The following ATP9A variants were observed in gnomAD, a reference collection of about 807,000 sequenced individuals.
ATP9A encodes the protein probable phospholipid-transporting ATPase IIA.
A neutral mutation model predicts 144.1 loss-of-function variants in ATP9A; 52 were observed. The ratio of observed to expected loss-of-function variants is 0.36; its 90% CI spans 0.29 to 0.45. ATP9A has a LOEUF of 0.45. Among genes scored for constraint, ATP9A ranks in the 20% least tolerant of loss-of-function variants. The pLI, the probability that ATP9A is intolerant of heterozygous loss-of-function variation, is 1.00. For missense variants in ATP9A, 947 were observed against 1,392.7 expected (o/e 0.68, Z 5.09); for synonymous variants, 582 against 557.4 (o/e 1.04, Z -0.62).
intron 3 of ATP9A, among the ~76,000 whole-genome samples, chr20:51,723,762 G>A (rs886890576): frequency 4.6e-5 from 7 of 151,724 alleles, no homozygotes; most frequent in South Asian, 4.2e-4. Flanking sequence ...TCACCATGTT[G>A]GCCAGGATGG....
chr20:51,679,152 C>T (rs981130258), intron 9 of ATP9A, among the ~76,000 whole-genome samples: 1 of 152,026 alleles, frequency 6.6e-6, no homozygotes, highest in African/African-American at 2.4e-5. Context: ...GGCGAAACCC[C>T]ATCTCTACTA....
chr20:51,754,925 C>G (rs1221835107), intron 1 of ATP9A, among the ~76,000 whole-genome samples: 1 of 151,352 alleles, frequency 6.6e-6, no homozygotes, highest in Admixed American at 6.6e-5. Flanking sequence ...GCCTGTCCAA[C>G]ATGGTGAAAC....
intron 1 of ATP9A, among the ~76,000 whole-genome samples, chr20:51,753,102 C>CAAAA (rs200895118): frequency 8.0e-6 from 1 of 125,472 alleles, no homozygotes; most frequent in African/African-American, 3.0e-5. Flanking sequence ...GACTCTGTCT[C>CAAAA]AAAAAAAAAA....
chr20:51,695,393 G>A (rs2077566199), intron 6 of ATP9A, among the ~76,000 whole-genome samples: 1 of 149,678 alleles, frequency 6.7e-6, no homozygotes, highest in South Asian at 2.1e-4. Context: ...AACCCAGGAG[G>A]CAGAGGTTGA....
chr20:51,728,406 C>G (rs1050931654), intron 2 of ATP9A, among the ~76,000 whole-genome samples: 18 of 152,134 alleles, frequency 1.2e-4, no homozygotes, highest in African/African-American at 3.9e-4. Flanking sequence ...GTGGGTGGAT[C>G]ACCTGAGGTC....
intron 3 of ATP9A, among the ~76,000 whole-genome samples, chr20:51,717,130 C>T: frequency 6.8e-6 from 1 of 147,116 alleles, no homozygotes; most frequent in Non-Finnish European, 1.5e-5. Context: ...TGAGATCTCA[C>T]CACTGCACTC....
At chr20:51,610,070 A>C (rs1408382267) in intron 24 of ATP9A, 31 bp downstream of exon 24, 1 of 1,549,398 alleles carries the variant, frequency 6.5e-7, no homozygotes. Flanking sequence ...AGGTTTTGTA[A>C]ACAATTAATT....
chr20:51,756,910 G>A (rs2077858818), intron 1 of ATP9A, among the ~76,000 whole-genome samples: 3 of 151,860 alleles, frequency 2.0e-5, no homozygotes, highest in African/African-American at 7.3e-5. Context: ...TTTTGTTTTC[G>A]GTTTTGTTTT....
chr20:51,697,247 G>T (rs1462910549), intron 5 of ATP9A, among the ~76,000 whole-genome samples, 177 bp downstream of exon 5: 1 of 133,948 alleles, frequency 7.5e-6, no homozygotes, highest in African/African-American at 2.6e-5. Context: ...GTGTGTGTGT[G>T]TGTCTGTGTG....
chr20:51,671,079 C>G, intron 12 of ATP9A, 36 bp downstream of exon 12: 1 of 1,602,550 alleles, frequency 6.2e-7, no homozygotes, highest in Non-Finnish European at 8.5e-7. Context: ...TCTTCTCTCA[C>G]CAGGAATCCT....
chr20:51,757,392 C>G (rs1007340640), intron 1 of ATP9A, among the ~76,000 whole-genome samples: 2 of 152,154 alleles, frequency 1.3e-5, no homozygotes, highest in African/African-American at 4.8e-5. Flanking sequence ...ACGGTAGGAG[C>G]AGGGCACTGT....
At chr20:51,694,749 C>T (rs1291670238) in intron 6 of ATP9A, among the ~76,000 whole-genome samples, 1 of 152,194 alleles carries the variant, frequency 6.6e-6, no homozygotes, top group Non-Finnish European at 1.5e-5. Context: ...ACATACAGAT[C>T]CGTGCAAGTA....
intron 17 of ATP9A, 23 bp downstream of exon 17, chr20:51,627,577 G>A (rs2077254490): frequency 6.2e-7 from 1 of 1,609,428 alleles, no homozygotes; most frequent in Non-Finnish European, 8.5e-7. Flanking sequence ...CAAAGGCAAT[G>A]GAAAGGTCCC....
chr20:51,702,263 G>A (rs2077596478), intron 4 of ATP9A, among the ~76,000 whole-genome samples: 1 of 146,020 alleles, frequency 6.8e-6, no homozygotes, highest in Non-Finnish European at 1.5e-5. Context: ...CCGTGCCACA[G>A]CCCGGGTGAC....
chr20:51,662,185 T>C (rs1025681813), intron 13 of ATP9A, among the ~76,000 whole-genome samples: 3 of 152,218 alleles, frequency 2.0e-5, no homozygotes, highest in Non-Finnish European at 1.5e-5. Context: ...TAGCACAAGG[T>C]TGGATCTTGC....
intron 3 of ATP9A, among the ~76,000 whole-genome samples, chr20:51,718,294 A>C (rs188894279): frequency 1.1e-4 from 17 of 152,038 alleles, no homozygotes; most frequent in Non-Finnish European, 5.9e-5. Context: ...AAGGCACTGG[A>C]AGGAAACACA....
intron 22 of ATP9A, 112 bp from the exon 23 acceptor site, chr20:51,613,944 AAG>A: frequency 5.0e-6 from 6 of 1,191,950 alleles, no homozygotes; most frequent in African/African-American, 1.5e-5. Context: ...AACTTCAAGA[AAG>A]AAATTCTTTG....
At chr20:51,718,373 T>TGGGG (rs554559902) in intron 3 of ATP9A, among the ~76,000 whole-genome samples, 1 of 147,494 alleles carries the variant, frequency 6.8e-6, no homozygotes, top group African/African-American at 2.5e-5. Flanking sequence ...TATGTGTGTG[T>TGGGG]GGGGGGGGGT....
chr20:51,670,360 C>G (rs1470654805), intron 12 of ATP9A, among the ~76,000 whole-genome samples: 1 of 152,190 alleles, frequency 6.6e-6, no homozygotes, highest in East Asian at 1.9e-4. Flanking sequence ...CCCAAGAGGA[C>G]TGTCAATCAG....
Sources: allele counts gnomAD v4.1 joint callset (sites outside exome capture counted in the v4.1 genomes callset), GRCh38; gene constraint gnomAD v4.1.1; transcripts MANE v1.5; gene names NCBI Gene and HGNC (gene_info 2026-07-23, HGNC 2026-07-21).